The following EIF4ENIF1 variants were observed in gnomAD, a reference collection of about 807,000 sequenced individuals.
EIF4ENIF1 encodes the protein eukaryotic translation initiation factor 4E transporter.
EIF4ENIF1 carries 23 observed loss-of-function variants against 110.5 expected under a neutral mutation model. The ratio of observed to expected loss-of-function variants is 0.21; its 90% confidence interval spans 0.15 to 0.29. The LOEUF is 0.29. Ranked by LOEUF, EIF4ENIF1 falls within the 10% of genes least tolerant of loss-of-function variation. EIF4ENIF1 has a pLI of 1.00. For missense variants in EIF4ENIF1, 1,031 were observed against 1,221.1 expected (o/e 0.84, Z 2.32); for synonymous variants, 440 against 437.0 (o/e 1.01, Z -0.09).
chr22:31,477,361 AAAAAAAAAAAAAAC>A (rs1363894162), intron 2 of EIF4ENIF1, among the ~76,000 whole-genome samples: 2 of 99,484 alleles, frequency 2.0e-5, no homozygotes, highest in Admixed American at 1.1e-4. Flanking sequence ...TGTCTCCAAA[AAAAAAAAAAAAAAC>A]AAAAAAAACA....
chr22:31,454,517 T>G (rs969346120), intron 9 of EIF4ENIF1, 141 bp from the exon 10 acceptor site: 2 of 689,176 alleles, frequency 2.9e-6, no homozygotes, highest in Admixed American at 5.6e-5. Flanking sequence ...ACACCAAAAA[T>G]AAACTAATAA....
At chr22:31,444,377 T>C in intron 15 of EIF4ENIF1, 1 of 465,358 alleles carries the variant, frequency 2.1e-6, no homozygotes, top group Admixed American at 3.4e-5. Context: ...TGGCCCATGA[T>C]CATCTCTGCT....
intron 2 of EIF4ENIF1, among the ~76,000 whole-genome samples, chr22:31,484,852 G>A (rs2051959878): frequency 6.6e-6 from 1 of 152,184 alleles, no homozygotes; most frequent in Non-Finnish European, 1.5e-5. Flanking sequence ...AGTGAAAACA[G>A]TTTCCCTCTA....
chr22:31,474,708 C>T (rs530982906), intron 2 of EIF4ENIF1, among the ~76,000 whole-genome samples: 1 of 152,176 alleles, frequency 6.6e-6, no homozygotes, highest in African/African-American at 2.4e-5. Context: ...CATATATATA[C>T]ACACATGCAC....
rs749993756 is a variant in EIF4ENIF1 at position 31,468,293 on chromosome 22, G to C, written c.180C>G (p.Val60=). ...CLSEKYDSDG[V]WDPEKWHASL... ...AGGCATGCCACTTCTCAGGGTCCCA[G>C]ACACCATCACTACAGGTCAAAAAAT... Residue 60 remains valine, a synonymous_variant, in exon 4 of 19, where the codon GTC becomes GTG. Transcript: ENST00000330125. 2.5e-6 allele frequency: 4 copies of C among 1,614,036 alleles called. No homozygotes were observed. The African/African-American group carries it at 5.3e-5, about 22-fold the overall frequency.
chr22:31,460,818 C>T (rs552089831), intron 6 of EIF4ENIF1, among the ~76,000 whole-genome samples: 64 of 151,682 alleles, frequency 4.2e-4, no homozygotes, highest in Middle Eastern at 3.5e-3. Context: ...TGGTGGTGGG[C>T]GCCTGTAGTC....
chr22:31,483,949 G>A (rs1320876665), intron 2 of EIF4ENIF1, among the ~76,000 whole-genome samples: 1 of 152,134 alleles, frequency 6.6e-6, no homozygotes, highest in Admixed American at 6.6e-5. Flanking sequence ...TGAGATTTAG[G>A]AGTAGGTCTG....
chr22:31,484,672 A>G (rs746566526), intron 2 of EIF4ENIF1, among the ~76,000 whole-genome samples: 16 of 152,196 alleles, frequency 1.1e-4, no homozygotes, highest in Non-Finnish European at 2.2e-4. Context: ...TGTCACTACT[A>G]AAAAGACAAA....
chr22:31,477,369 A>AG (rs2051618739), intron 2 of EIF4ENIF1, among the ~76,000 whole-genome samples: 1 of 95,452 alleles, frequency 1.0e-5, no homozygotes, highest in Non-Finnish European at 2.3e-5. Context: ...AAAAAAAAAA[A>AG]AAAAACAAAA....
intron 2 of EIF4ENIF1, among the ~76,000 whole-genome samples, chr22:31,482,103 G>C (rs2051836238): frequency 6.6e-6 from 1 of 151,012 alleles, no homozygotes; most frequent in African/African-American, 2.4e-5. Flanking sequence ...TGCAGAGTTC[G>C]AGGCTGCAGT....
At position 31,458,564 on chromosome 22, in the gene EIF4ENIF1, G is replaced by C; in HGVS notation, c.874C>G (p.Pro292Ala). Residue 292 changes from proline to alanine, a missense_variant, in exon 7 of 19, where the codon CCA becomes GCA. Physicochemically the swap from Pro to Ala is conservative, Grantham distance 27. Transcript: ENST00000330125. ...AQEPAADQEV[P>A]RDAVLPEQSP... ...TGCTCAGGCAAGACAGCATCCCTTG[G>C]CACTTCCTGATCAGCCGCAGGCTCC... The C allele has an allele frequency of 6.2e-7, 1 of 1,613,792 alleles. No individual in the cohort carries two copies. The highest frequency in any genetic ancestry group is 8.5e-7 in the Non-Finnish European group (1 of 1,179,808).
intron 16 of EIF4ENIF1, among the ~76,000 whole-genome samples, chr22:31,442,597 T>G (rs2050337035): frequency 6.6e-6 from 1 of 152,350 alleles, no homozygotes; most frequent in African/African-American, 2.4e-5. Context: ...GTTGGACACT[T>G]AAGTCTCCAC....
At chr22:31,477,069 G>A (rs2051602123) in intron 2 of EIF4ENIF1, among the ~76,000 whole-genome samples, 1 of 150,810 alleles carries the variant, frequency 6.6e-6, no homozygotes, top group Non-Finnish European at 1.5e-5. Flanking sequence ...GCCGCAATGA[G>A]CTGTAATTGT....
rs947124440 is a variant in EIF4ENIF1, at chr22:31,472,123, T to C, written c.97-206A>G. On this transcript the variant is annotated intron_variant, in intron 2 of 18. Coordinates refer to ENST00000330125, the MANE Select transcript of EIF4ENIF1 (RefSeq NM_019843.4). The stretch of plus-strand genomic sequence containing the variant: ...ATCCAGTAACTTAAAAGTGATCAGT[T>C]TCTGGCTAAAACAATCTCTCATAAT... Among the ~76,000 whole-genome samples the C allele has an allele frequency of 3.9e-4, 60 of 152,298 alleles. 1 individual carries two copies. The highest frequency in any genetic ancestry group is 1.3e-3 in the African/African-American group (56 of 41,558).
At chr22:31,458,209 CAG>C (rs1298843872) in intron 7 of EIF4ENIF1, among the ~76,000 whole-genome samples, 1 of 144,044 alleles carries the variant, frequency 6.9e-6, no homozygotes, top group Non-Finnish European at 1.5e-5. Context: ...GCCTGGGTGA[CAG>C]AGTAAGATTC....
Position 31,479,438 on chromosome 22 carries a change from A to G in EIF4ENIF1, c.97-7521T>C, listed in dbSNP as rs372121940. On this transcript the variant is annotated intron_variant, in intron 2 of 18. Coordinates refer to ENST00000330125, the MANE Select transcript of EIF4ENIF1 (RefSeq NM_019843.4). ...GTCATCCTTGCGCAGGGGCCATGCT[A>G]ATCTTCTCTGTATTGTTGCAATTTT... is the stretch of plus-strand genomic sequence containing the variant. The G allele has an allele frequency of 3.9e-5, 6 of 152,176 alleles. No individual in the cohort carries two copies. The East Asian group carries it at 1.2e-3, about 29-fold the overall frequency. 9.4% of individuals were successfully genotyped at this position (152,176 alleles called of 1,614,324 possible). A position where few individuals can be genotyped will look rare whatever the true frequency, so the allele number is the denominator to read the frequency against.
Position 31,455,250 on chromosome 22 carries a change from C to T in EIF4ENIF1, c.1165G>A (p.Glu389Lys). 9.3e-6 allele frequency: 15 copies of T among 1,613,940 alleles called. No homozygotes were observed. The highest frequency in any genetic ancestry group is 1.2e-5 in the Non-Finnish European group (14 of 1,179,930). ...SGNYFAPIPL[E>K]DHAENKVDIL... ...TCCACTTTATTTTCAGCATGGTCTTCCAATGGTATAGGAGCAAAGTAATTC... is the reference window on the plus strand; with the variant it reads ...TCCACTTTATTTTCAGCATGGTCTTTCAATGGTATAGGAGCAAAGTAATTC... Residue 389 changes from glutamate to lysine, a missense_variant, in exon 9 of 19, where the codon GAA (glutamate) becomes AAA (lysine). Glu to Lys is a moderately conservative substitution (Grantham distance 56, BLOSUM62 1). Transcript: ENST00000330125.
At chr22:31,488,180 T>C (rs1465833914) in intron 2 of EIF4ENIF1, among the ~76,000 whole-genome samples, 1 of 152,258 alleles carries the variant, frequency 6.6e-6, no homozygotes, top group East Asian at 1.9e-4. Flanking sequence ...AAAACAGGAT[T>C]GAAAAGCCAG....
At chr22:31,456,413 C>CG (rs1015490424) in intron 7 of EIF4ENIF1, among the ~76,000 whole-genome samples, 2 of 151,672 alleles carry the variant, frequency 1.3e-5, no homozygotes, top group South Asian at 4.2e-4. Context: ...TTAGTAGAGA[C>CG]GGGGTTTTAC....
Sources: allele counts gnomAD v4.1 joint callset (sites outside exome capture counted in the v4.1 genomes callset), GRCh38; gene constraint gnomAD v4.1.1; transcripts MANE v1.5; gene names NCBI Gene and HGNC (gene_info 2026-07-23, HGNC 2026-07-21).